Variants in ZNF354B observed in about 807,000 individuals in gnomAD.
The protein encoded by ZNF354B is zinc finger protein 354B.
Under a neutral mutation model 12.9 loss-of-function variants are expected in ZNF354B, and 10 were observed. The ratio of observed to expected loss-of-function variants is 0.77; its 90% CI spans 0.48 to 1.31. The LOEUF (loss-of-function observed/expected upper bound fraction) is 1.31. ZNF354B is among the 40% of genes most tolerant of loss of function. ZNF354B has a pLI of 0.00. For missense variants in ZNF354B, 614 were observed against 711.7 expected, an observed-to-expected ratio of 0.86 and a Z score of 1.56; for synonymous variants, 260 against 243.7, an observed-to-expected ratio of 1.07 and a Z score of -0.62.
At chr5:178,871,979 A>G (rs186519546) in intron 4 of ZNF354B, among the ~76,000 whole-genome samples, 26 of 152,350 alleles carry the variant, frequency 1.7e-4, no homozygotes, top group Admixed American at 9.1e-4. Context: ...GAAAGATTCT[A>G]TGTCCCTTAT....
Position 178,867,097 on chromosome 5 carries a change from G to C in ZNF354B, c.256+26G>C, listed in dbSNP as rs781361925. The C allele has an allele frequency of 8.2e-6, 13 of 1,592,534 alleles. No homozygotes were observed. In the South Asian group the frequency reaches 1.4e-4, roughly 18 times the overall value. On this transcript the variant is annotated intron_variant, in intron 4 of 4. Transcript: ENST00000322434. ...GTAAGTGGGTGGCCCGAGGTGCTCG[G>C]GAATGGCCGCAGACAATGGTCTGGT...
At chr5:178,873,089 G>A (rs1757587585) in intron 4 of ZNF354B, among the ~76,000 whole-genome samples, 1 of 152,114 alleles carries the variant, frequency 6.6e-6, no homozygotes, top group African/African-American at 2.4e-5. Context: ...CACCTGGCCT[G>A]TGTTTCTTAT....
chr5:178,880,134 TAAAC>T (rs1323810177), intron 4 of ZNF354B, among the ~76,000 whole-genome samples: 1 of 151,636 alleles, frequency 6.6e-6, no homozygotes, highest in East Asian at 1.9e-4. Flanking sequence ...TCAAAATAAA[TAAAC>T]AAAAAAGTAG....
chr5:178,866,929 T>G (rs1178915188), intron 3 of ZNF354B, 47 bp from the exon 4 acceptor site: 1 of 1,583,012 alleles, frequency 6.3e-7, no homozygotes, highest in Non-Finnish European at 8.7e-7. Context: ...CTTTGTTGTG[T>G]CAAAACGAAG....
intron 2 of ZNF354B, among the ~76,000 whole-genome samples, chr5:178,861,484 CCAACG>C (rs1170431183): frequency 6.6e-6 from 1 of 152,206 alleles, no homozygotes; most frequent in African/African-American, 2.4e-5. Context: ...CCAGGCTTCT[CCAACG>C]CATCGTTGTT....
intron 4 of ZNF354B, among the ~76,000 whole-genome samples, chr5:178,873,949 T>C (rs1281575456): frequency 1.4e-5 from 2 of 146,652 alleles, no homozygotes. Flanking sequence ...CTCTGTTTTT[T>C]TTTTCTTTTT....
chr5:178,862,887 T>C (rs1757383893), intron 2 of ZNF354B, among the ~76,000 whole-genome samples: 2 of 152,202 alleles, frequency 1.3e-5, no homozygotes, highest in Admixed American at 6.5e-5. Context: ...GCGTCAGTAA[T>C]GTGTAGACCT....
rs1312779674 is a variant in ZNF354B, at chr5:178,866,967, T to G, written c.161-9T>G. The G allele has an allele frequency of 1.9e-6, 3 of 1,611,982 alleles. No individual in the cohort carries two copies. The highest frequency in any genetic ancestry group is 1.7e-4 in the Middle Eastern group (1 of 6,058). ...TGAGACTTTTGTTGTTGTTGTTGTT[T>G]ATGTGCAGGACTCTCATTTACCAAA... On this transcript the variant is annotated splice_polypyrimidine_tract_variant and intron_variant, in intron 3 of 4. Coordinates refer to ENST00000322434, the MANE Select transcript of ZNF354B (RefSeq NM_058230.3).
At chr5:178,867,608 C>T (rs910809235) in intron 4 of ZNF354B, among the ~76,000 whole-genome samples, 10 of 152,178 alleles carry the variant, frequency 6.6e-5, no homozygotes, top group East Asian at 3.9e-4. Context: ...GGACCTGTGG[C>T]GTGTCCTTAC....
intron 2 of ZNF354B, among the ~76,000 whole-genome samples, chr5:178,863,750 G>A (rs1757398536): frequency 6.6e-6 from 1 of 152,204 alleles, no homozygotes; most frequent in Non-Finnish European, 1.5e-5. Flanking sequence ...CATTGCCCCT[G>A]AAGACCTTCC....
rs1412733619 is a variant in ZNF354B, at chr5:178,861,095, C to T, written c.33+15C>T. On this transcript the variant is annotated intron_variant, in intron 2 of 4. Coordinates refer to ENST00000322434, the MANE Select transcript of ZNF354B (RefSeq NM_058230.3). ...CGAGGCCCCAGGTGAGCTCATTGCC[C>T]TCCCAGATCCCAGTGGATGGATTTT... The T allele has an allele frequency of 3.7e-5, 34 of 930,780 alleles. No individual in the cohort carries two copies. Among genetic ancestry groups the T allele is most frequent in the African/African-American group, 1.5e-4 (9 of 59,374 alleles). 57.7% of individuals were successfully genotyped at this position (930,780 alleles called of 1,614,324 possible).
intron 4 of ZNF354B, among the ~76,000 whole-genome samples, chr5:178,880,532 CTT>C (rs1451553191): frequency 6.8e-6 from 1 of 147,748 alleles, no homozygotes; most frequent in Non-Finnish European, 1.5e-5. Context: ...GACAGGGTCT[CTT>C]TGTCACCCTG....
chr5:178,866,520 T>A, intron 3 of ZNF354B, 150 bp downstream of exon 3: 1 of 1,264,082 alleles, frequency 7.9e-7, no homozygotes, highest in Non-Finnish European at 1.1e-6. Context: ...ATTGATAACT[T>A]AACTTTCTCC....
Position 178,879,056 on chromosome 5 carries a change from C to CT in ZNF354B, c.257-3643dup, listed in dbSNP as rs200238822. Among the ~76,000 whole-genome samples the CT allele has an allele frequency of 2.1e-4, 30 of 142,056 alleles. No homozygotes were observed. In the Middle Eastern group the frequency reaches 0.012, roughly 56 times the overall value. 93.2% of individuals were successfully genotyped at this position (142,056 alleles called of 152,430 possible). ...AGGACCTTGTTGTTTGTGTGTGCTG[C>CT]TTTTTTTTTTGAACTGGAGTCTCAC... is the stretch of plus-strand genomic sequence containing the variant. On this transcript the variant is annotated intron_variant, in intron 4 of 4. Coordinates refer to ENST00000322434, the MANE Select transcript of ZNF354B (RefSeq NM_058230.3).
intron 2 of ZNF354B, among the ~76,000 whole-genome samples, chr5:178,862,163 C>T (rs1757366437): frequency 6.6e-6 from 1 of 152,014 alleles, no homozygotes; most frequent in Non-Finnish European, 1.5e-5. Flanking sequence ...CTCTCACTCG[C>T]ACAGTAGCAC....
intron 4 of ZNF354B, among the ~76,000 whole-genome samples, chr5:178,879,748 A>C (rs1178034687): frequency 6.6e-6 from 1 of 152,064 alleles, no homozygotes; most frequent in Non-Finnish European, 1.5e-5. Context: ...AGATTAACCC[A>C]CTCACTCCTG....
At chr5:178,866,439 A>G in intron 3 of ZNF354B, 69 bp downstream of exon 3, 1 of 1,548,600 alleles carries the variant, frequency 6.5e-7, no homozygotes. Flanking sequence ...TTCCCTGAAT[A>G]AAAGCAGTTG....
rs1414616431 is a variant in ZNF354B at position 178,884,385 on chromosome 5, C to G, written c.*94C>G. On this transcript the variant is annotated 3_prime_UTR_variant, in exon 5 of 5. Transcript: ENST00000322434. ...GAAAACTCTTAGTTCTCATCAGATACTAAGTTTTAAGAATAAACTTTAGCT... is the reference window on the plus strand; with the variant it reads ...GAAAACTCTTAGTTCTCATCAGATAGTAAGTTTTAAGAATAAACTTTAGCT... The G allele has an allele frequency of 2.6e-5, 35 of 1,327,584 alleles. No individual in the cohort carries two copies. The highest frequency in any genetic ancestry group is 3.6e-5 in the Non-Finnish European group (35 of 984,668). The allele number at this position is 1,327,584 out of a possible 1,614,324, so 82.2% of individuals were successfully genotyped here.
Position 178,862,426 on chromosome 5 carries a change from G to T in ZNF354B, c.33+1346G>T, listed in dbSNP as rs1757371942. Among the ~76,000 whole-genome samples the T allele has an allele frequency of 2.0e-5, 3 of 148,684 alleles. No individual in the cohort carries two copies. In the Admixed American group the frequency reaches 2.0e-4, roughly 10 times the overall value. ...CTGTCACCCAGGCTGGAGTGCAGTG[G>T]CGCGATCTCGGCTCACTGCAACCTC... On this transcript the variant is annotated intron_variant, in intron 2 of 4. Coordinates refer to ENST00000322434, the MANE Select transcript of ZNF354B (RefSeq NM_058230.3).
Sources: allele counts gnomAD v4.1 joint callset (sites outside exome capture counted in the v4.1 genomes callset), GRCh38; gene constraint gnomAD v4.1.1; transcripts MANE v1.5; gene names NCBI Gene and HGNC (gene_info 2026-07-23, HGNC 2026-07-21).